The following CTNNA2 variants were observed in gnomAD, a reference collection of about 807,000 sequenced individuals.
CTNNA2 encodes the protein catenin alpha-2.
In CTNNA2, 42 loss-of-function variants were observed where a neutral mutation model predicts 101.0. The observed-to-expected ratio is 0.42, with a 90% confidence interval of 0.32 to 0.54. The LOEUF (loss-of-function observed/expected upper bound fraction) is 0.54. CTNNA2 is among the 20% of genes least tolerant of loss of function. CTNNA2 has a pLI of 0.14. For synonymous variants in CTNNA2, 450 were observed against 456.4 expected (o/e 0.99, Z 0.18); for missense variants, 871 against 1,223.1 (o/e 0.71, Z 4.29).
chr2:80,237,056 G>A (rs1294440973), intron 7 of CTNNA2, among the ~76,000 whole-genome samples: 1 of 152,168 alleles, frequency 6.6e-6, no homozygotes, highest in Non-Finnish European at 1.5e-5. Context: ...GTACTACCCT[G>A]AAATTTCAAG....
chr2:79,361,813 G>T (rs796876818), intron 3 of CTNNA2, among the ~76,000 whole-genome samples: 24 of 152,232 alleles, frequency 1.6e-4, no homozygotes, highest in African/African-American at 5.8e-4. Context: ...AGGTTGGGAG[G>T]CTAGGCCAGT....
chr2:79,916,577 CTTT>C (rs35271371), intron 7 of CTNNA2, among the ~76,000 whole-genome samples: 1 of 37,856 alleles, frequency 2.6e-5, no homozygotes, highest in Non-Finnish European at 4.2e-5. Flanking sequence ...CTCCCTTCTC[CTTT>C]TTTTTTTTTT....
chr2:80,260,352 C>G (rs2149121722), intron 7 of CTNNA2, among the ~76,000 whole-genome samples: 1 of 152,256 alleles, frequency 6.6e-6, no homozygotes, highest in Admixed American at 6.5e-5. Flanking sequence ...GCTCATGGAG[C>G]CATGGCACTA....
intron 7 of CTNNA2, among the ~76,000 whole-genome samples, chr2:80,319,989 T>C (rs983199039): frequency 2.0e-5 from 3 of 152,132 alleles, no homozygotes; most frequent in Non-Finnish European, 4.4e-5. Flanking sequence ...TATAAAGTAA[T>C]AATAAGAATG....
chr2:79,957,139 A>G (rs1261842209), intron 7 of CTNNA2, among the ~76,000 whole-genome samples: 1 of 152,112 alleles, frequency 6.6e-6, no homozygotes, highest in Admixed American at 6.6e-5. Context: ...AAAGGCTCAC[A>G]TTTGAGTTCT....
chr2:79,638,582 A>C (rs1244467614), intron 1 of CTNNA2, among the ~76,000 whole-genome samples: 1 of 152,144 alleles, frequency 6.6e-6, no homozygotes, highest in Non-Finnish European at 1.5e-5. Context: ...TTTCCCACTT[A>C]CTGTAGCTGC....
chr2:79,618,109 C>T (rs558525519), intron 1 of CTNNA2, among the ~76,000 whole-genome samples: 1 of 152,102 alleles, frequency 6.6e-6, no homozygotes, highest in African/African-American at 2.4e-5. Flanking sequence ...TTAGGTAATC[C>T]AGCGTTAAGC....
intron 9 of CTNNA2, among the ~76,000 whole-genome samples, chr2:80,471,924 A>C (rs965861844): frequency 6.6e-6 from 1 of 152,088 alleles, no homozygotes; most frequent in African/African-American, 2.4e-5. Context: ...TCAGGAGTTC[A>C]AGACCAGCCT....
intron 13 of CTNNA2, among the ~76,000 whole-genome samples, chr2:80,574,652 G>T (rs931129968): frequency 6.6e-6 from 1 of 152,008 alleles, no homozygotes; most frequent in Non-Finnish European, 1.5e-5. Context: ...ACCATGGGCT[G>T]GAAAGAAATG....
At chr2:79,357,039 C>G (rs1345218817) in intron 3 of CTNNA2, among the ~76,000 whole-genome samples, 1 of 152,076 alleles carries the variant, frequency 6.6e-6, no homozygotes, top group East Asian at 1.9e-4. Context: ...ATTAAAAACT[C>G]AATAGAGCTG....
chr2:80,223,474 A>G (rs914241768), intron 7 of CTNNA2, among the ~76,000 whole-genome samples: 1 of 152,166 alleles, frequency 6.6e-6, no homozygotes, highest in Non-Finnish European at 1.5e-5. Context: ...GGTTTTCTCC[A>G]TGTTGGTCAG....
intron 9 of CTNNA2, among the ~76,000 whole-genome samples, chr2:80,490,483 C>G (rs1686978287): frequency 6.6e-6 from 1 of 151,994 alleles, no homozygotes; most frequent in Non-Finnish European, 1.5e-5. Context: ...TTTCATGTGT[C>G]ACAAAATACT....
intron 18 of CTNNA2, among the ~76,000 whole-genome samples, chr2:80,647,172 C>T (rs1053876756): frequency 2.0e-5 from 3 of 152,060 alleles, no homozygotes; most frequent in African/African-American, 7.2e-5. Flanking sequence ...ATGACTGTAT[C>T]CTCACCAACC....
chr2:79,456,152 T>C (rs1035383155), intron 4 of CTNNA2, among the ~76,000 whole-genome samples: 1 of 150,784 alleles, frequency 6.6e-6, no homozygotes, highest in Non-Finnish European at 1.5e-5. Flanking sequence ...TAATTTAAAT[T>C]ATTTAATAAT....
intron 9 of CTNNA2, among the ~76,000 whole-genome samples, chr2:80,514,713 C>T (rs937182594): frequency 1.3e-5 from 2 of 152,146 alleles, no homozygotes; most frequent in African/African-American, 4.8e-5. Flanking sequence ...CAAAGTCCAG[C>T]CGTCCCTCTG....
intron 7 of CTNNA2, among the ~76,000 whole-genome samples, chr2:80,054,425 C>A (rs1298289893): frequency 6.6e-6 from 1 of 152,180 alleles, no homozygotes. Context: ...ACTGTGACTC[C>A]TTAACCCTGC....
intron 2 of CTNNA2, among the ~76,000 whole-genome samples, chr2:79,737,282 G>A (rs941330497): frequency 6.6e-6 from 1 of 151,784 alleles, no homozygotes; most frequent in Non-Finnish European, 1.5e-5. Flanking sequence ...TCAGGAGATA[G>A]AGGTTGCGGT....
intron 7 of CTNNA2, among the ~76,000 whole-genome samples, chr2:80,061,219 G>C (rs978717636): frequency 6.6e-6 from 1 of 152,062 alleles, no homozygotes; most frequent in Non-Finnish European, 1.5e-5. Context: ...TCATGACATA[G>C]AAAAATGCTC....
intron 3 of CTNNA2, chr2:79,312,937 A>G (rs1033384785): frequency 4.6e-5 from 7 of 152,198 alleles, no homozygotes; most frequent in African/African-American, 1.7e-4. Context: ...AACGCCCCGT[A>G]TACAGCTAGT....
Sources: gnomAD v4.1 joint callset for allele counts (sites outside exome capture counted in the v4.1 genomes callset) on GRCh38, gnomAD v4.1.1 for gene constraint, MANE v1.5 for transcripts, NCBI Gene and HGNC (gene_info 2026-07-23, HGNC 2026-07-21) for gene names.